Variants in CNTNAP2 observed in about 807,000 individuals in gnomAD.
CNTNAP2 encodes contactin associated protein 2, also known as contactin-associated protein-like 2.
A neutral mutation model predicts 155.2 loss-of-function variants in CNTNAP2; 98 were observed. The observed-to-expected ratio is 0.63, with a 90% CI of 0.54 to 0.75. The LOEUF is 0.75. Ranked by LOEUF, CNTNAP2 falls within the 30% of genes least tolerant of loss-of-function variation. CNTNAP2 has a pLI of 0.00. For synonymous variants in CNTNAP2, 651 were observed against 631.2 expected, an observed-to-expected ratio of 1.03 and a Z score of -0.47; for missense variants, 1,727 against 1,688.1, an observed-to-expected ratio of 1.02 and a Z score of -0.40.
chr7:146,227,428 C>CAAAAAAAAAAAA (rs755623604), intron 1 of CNTNAP2, among the ~76,000 whole-genome samples: 1 of 58,708 alleles, frequency 1.7e-5, no homozygotes, highest in African/African-American at 5.9e-5. Flanking sequence ...CTGTCTCAAA[C>CAAAAAAAAAAAA]AAAAAAAAAA....
At chr7:148,108,857 A>T (rs1232924178) in intron 15 of CNTNAP2, among the ~76,000 whole-genome samples, 1 of 152,240 alleles carries the variant, frequency 6.6e-6, no homozygotes, top group Non-Finnish European at 1.5e-5. Flanking sequence ...CAAAATGTTA[A>T]GTATTTGAGG....
chr7:146,591,735 C>A (rs79491432), intron 1 of CNTNAP2, among the ~76,000 whole-genome samples: 3,420 of 151,744 alleles, frequency 0.023, 47 homozygotes, highest in Middle Eastern at 0.048. Context: ...TTGTGTCCAT[C>A]TAATTCTTTG....
chr7:147,351,108 A>AT (rs1167557659), intron 9 of CNTNAP2, among the ~76,000 whole-genome samples: 7 of 151,802 alleles, frequency 4.6e-5, no homozygotes, highest in Non-Finnish European at 8.9e-5. Flanking sequence ...AACTTCAGGT[A>AT]TTTTTTCTTC....
intron 12 of CNTNAP2, chr7:147,638,707 G>A (rs567361076): frequency 5.2e-6 from 2 of 383,904 alleles, no homozygotes; most frequent in Non-Finnish European, 1.0e-5. Flanking sequence ...TTGAAAGAGA[G>A]CATAGTTCAT....
intron 18 of CNTNAP2, among the ~76,000 whole-genome samples, chr7:148,202,955 A>G (rs926841344): frequency 6.6e-6 from 1 of 152,152 alleles, no homozygotes; most frequent in Non-Finnish European, 1.5e-5. Flanking sequence ...AAAGACAGAT[A>G]AAGTATAATA....
chr7:147,594,708 C>G (rs977122637), intron 12 of CNTNAP2, among the ~76,000 whole-genome samples: 14 of 152,056 alleles, frequency 9.2e-5, no homozygotes, highest in Non-Finnish European at 1.8e-4. Context: ...TTTAGAAACT[C>G]TAAGCAAGAT....
At chr7:147,475,059 C>T (rs1388659556) in intron 10 of CNTNAP2, among the ~76,000 whole-genome samples, 2 of 152,204 alleles carry the variant, frequency 1.3e-5, no homozygotes, top group African/African-American at 2.4e-5. Context: ...TATCAGTACA[C>T]ATAGATCTGC....
chr7:147,225,399 C>T (rs1351276547), intron 8 of CNTNAP2, among the ~76,000 whole-genome samples: 3 of 152,096 alleles, frequency 2.0e-5, no homozygotes, highest in Non-Finnish European at 4.4e-5. Flanking sequence ...TAGGAACAAA[C>T]ACAATACCTG....
At chr7:148,021,755 G>A (rs1260949419) in intron 15 of CNTNAP2, among the ~76,000 whole-genome samples, 1 of 152,236 alleles carries the variant, frequency 6.6e-6, no homozygotes, top group East Asian at 1.9e-4. Flanking sequence ...CCGGTGGCTC[G>A]CAGAGAAGGG....
At chr7:146,646,437 A>G (rs1476909517) in intron 1 of CNTNAP2, among the ~76,000 whole-genome samples, 2 of 152,210 alleles carry the variant, frequency 1.3e-5, no homozygotes, top group Non-Finnish European at 2.9e-5. Context: ...ATAAATCTGT[A>G]TAAGTAGTAT....
At chr7:147,343,674 G>T (rs1008008090) in intron 9 of CNTNAP2, among the ~76,000 whole-genome samples, 1 of 152,122 alleles carries the variant, frequency 6.6e-6, no homozygotes, top group Admixed American at 6.6e-5. Flanking sequence ...ACTCAGTGCG[G>T]CAATGATAAT....
At chr7:147,764,218 G>C (rs531898609) in intron 13 of CNTNAP2, among the ~76,000 whole-genome samples, 12 of 152,202 alleles carry the variant, frequency 7.9e-5, no homozygotes, top group Admixed American at 3.3e-4. Context: ...AGCCACCAGA[G>C]CCCAGCCTCT....
chr7:147,613,730 C>A (rs1485739168), intron 12 of CNTNAP2, among the ~76,000 whole-genome samples: 5 of 152,074 alleles, frequency 3.3e-5, no homozygotes, highest in Non-Finnish European at 4.4e-5. Context: ...ATAATCCCAG[C>A]TACTTGGGAG....
chr7:147,681,656 A>T (rs999340713), intron 13 of CNTNAP2, among the ~76,000 whole-genome samples: 4 of 151,946 alleles, frequency 2.6e-5, no homozygotes, highest in Admixed American at 6.6e-5. Flanking sequence ...TTATGATCTG[A>T]AAAAACTATC....
chr7:146,309,695 G>A (rs1322021691), intron 1 of CNTNAP2, among the ~76,000 whole-genome samples: 3 of 151,792 alleles, frequency 2.0e-5, no homozygotes, highest in South Asian at 2.1e-4. Flanking sequence ...CCAGCTACTC[G>A]GAGGATGAGG....
At chr7:148,167,023 C>G (rs907379791) in intron 17 of CNTNAP2, among the ~76,000 whole-genome samples, 1 of 152,148 alleles carries the variant, frequency 6.6e-6, no homozygotes, top group African/African-American at 2.4e-5. Context: ...TTAAATAAAT[C>G]AGGGACTACC....
chr7:147,738,664 T>G (rs1032233935), intron 13 of CNTNAP2, among the ~76,000 whole-genome samples: 2 of 150,510 alleles, frequency 1.3e-5, no homozygotes, highest in African/African-American at 5.0e-5. Flanking sequence ...TTTTTTTTAT[T>G]TTTTTTTTTA....
chr7:147,313,315 T>A (rs1401329631), intron 9 of CNTNAP2, among the ~76,000 whole-genome samples: 3 of 151,028 alleles, frequency 2.0e-5, no homozygotes, highest in African/African-American at 2.4e-5. Flanking sequence ...GCTTTTGGTG[T>A]TTTAGACATG....
At chr7:146,748,946 CG>C (rs1801857877) in intron 1 of CNTNAP2, among the ~76,000 whole-genome samples, 1 of 152,060 alleles carries the variant, frequency 6.6e-6, no homozygotes, top group African/African-American at 2.4e-5. Context: ...TACAAATTGC[CG>C]TAAGTTTTTG....
Sources: gnomAD v4.1 joint callset for allele counts (sites outside exome capture counted in the v4.1 genomes callset) on GRCh38, gnomAD v4.1.1 for gene constraint, MANE v1.5 for transcripts, NCBI Gene and HGNC (gene_info 2026-07-23, HGNC 2026-07-21) for gene names.